The following CLASP2 variants were observed in gnomAD, a reference collection of about 807,000 sequenced individuals.
CLASP2 encodes the protein CLIP-associating protein 2.
In CLASP2, 47 loss-of-function variants were observed where a neutral mutation model predicts 194.4. That is an observed-to-expected ratio of 0.24 (90% CI 0.19 to 0.31). The LOEUF is 0.31. Ranked by LOEUF, CLASP2 falls within the 10% of genes least tolerant of loss-of-function variation. The probability of loss-of-function intolerance (pLI) is 1.00; values close to 1 mark genes in which losing one functional copy is unlikely to be tolerated. For synonymous variants in CLASP2, 619 were observed against 633.5 expected (o/e 0.98, Z 0.34); for missense variants, 1,445 against 1,823.6 (o/e 0.79, Z 3.78).
chr3:33,584,465 G>T (rs1408087000), intron 22 of CLASP2, among the ~76,000 whole-genome samples: 2 of 150,422 alleles, frequency 1.3e-5, no homozygotes, highest in Non-Finnish European at 3.0e-5. Flanking sequence ...TAGAGACGGG[G>T]GTATTGGCCA....
At chr3:33,644,197 A>C (rs1458236027) in intron 8 of CLASP2, among the ~76,000 whole-genome samples, 3 of 152,144 alleles carry the variant, frequency 2.0e-5, no homozygotes, top group Non-Finnish European at 4.4e-5. Flanking sequence ...ATGAATTATA[A>C]AATTGCATGA....
chr3:33,543,471 A>G lies in CLASP2; in HGVS notation c.3366T>C (p.Thr1122=), dbSNP rs763474504. Residue 1122 remains threonine (T), a synonymous_variant, in exon 32 of 39, where the codon ACT becomes ACC. Coordinates refer to ENST00000682230, the MANE Select transcript of CLASP2 (RefSeq NM_001365631.1). ...RSPANWSSPL[T]SPTNTSQNTL... is the part of the protein sequence containing the mutation. Reference sequence around the variant, plus strand: ...TATTCTGTGATGTATTGGTAGGAGAAGTAAGAGGACTGGACCAGTTAGCTG... The same window carrying G: ...TATTCTGTGATGTATTGGTAGGAGAGGTAAGAGGACTGGACCAGTTAGCTG... The G allele has an allele frequency of 1.2e-5, 19 of 1,612,528 alleles. No homozygotes were observed. In the South Asian group the frequency reaches 1.9e-4, roughly 16 times the overall value.
intron 37 of CLASP2, among the ~76,000 whole-genome samples, chr3:33,509,140 C>A (rs182806255): frequency 1.3e-4 from 20 of 152,152 alleles, no homozygotes; most frequent in Non-Finnish European, 2.5e-4. Context: ...TTTTGACATA[C>A]CCAATTCAAA....
intron 22 of CLASP2, 86 bp from the exon 23 acceptor site, chr3:33,582,014 T>A: frequency 2.5e-6 from 2 of 814,512 alleles, no homozygotes; most frequent in Non-Finnish European, 4.0e-6. Flanking sequence ...TTTTCTTTCT[T>A]AAAGACTGAA....
intron 2 of CLASP2, among the ~76,000 whole-genome samples, chr3:33,694,483 T>C (rs2091668916): frequency 6.6e-6 from 1 of 152,148 alleles, no homozygotes; most frequent in Admixed American, 6.6e-5. Context: ...AGGGCAACAG[T>C]CACAAACACA....
At chr3:33,651,889 C>T (rs1051674895) in intron 7 of CLASP2, among the ~76,000 whole-genome samples, 2 of 152,064 alleles carry the variant, frequency 1.3e-5, no homozygotes, top group African/African-American at 4.8e-5. Flanking sequence ...AAACTCCTGA[C>T]CTCAGGTGAT....
At chr3:33,624,061 G>A (rs2077566203) in intron 10 of CLASP2, among the ~76,000 whole-genome samples, 1 of 152,044 alleles carries the variant, frequency 6.6e-6, no homozygotes, top group Non-Finnish European at 1.5e-5. Context: ...TTCAATATTT[G>A]ATTGCCAAAT....
chr3:33,584,511 C>T (rs571524784), intron 22 of CLASP2, among the ~76,000 whole-genome samples: 1 of 151,582 alleles, frequency 6.6e-6, no homozygotes, highest in Non-Finnish European at 1.5e-5. Context: ...AGTGATCCAC[C>T]CCCCTCAGCC....
rs924948457 is a variant in CLASP2, at chr3:33,551,306, T to C, written c.3099A>G (p.Ala1033=). 10 of 1,613,738 alleles carry C rather than the reference T, an allele frequency of 6.2e-6. No homozygotes were observed. The highest frequency in any genetic ancestry group is 7.6e-6 in the Non-Finnish European group (9 of 1,179,842). Residue 1033 remains alanine, a synonymous_variant, in exon 30 of 39, where the codon GCA becomes GCG. Coordinates refer to ENST00000682230, the MANE Select transcript of CLASP2 (RefSeq NM_001365631.1). ...DFINSSETRL[A]VSRVITWTTE... ...TTGTCCAAGTGATGACCCGAGACAC[T>C]GCTAGGCGAGTTTCACTGGAATTTA...
At chr3:33,603,360 G>A (rs1473086474) in intron 17 of CLASP2, among the ~76,000 whole-genome samples, 1 of 152,110 alleles carries the variant, frequency 6.6e-6, no homozygotes, top group African/African-American at 2.4e-5. Flanking sequence ...CATAAAAATG[G>A]GAAAAATGGT....
chr3:33,507,264 A>C (rs1367789871), intron 37 of CLASP2, among the ~76,000 whole-genome samples: 1 of 151,930 alleles, frequency 6.6e-6, no homozygotes, highest in African/African-American at 2.4e-5. Context: ...GAGACTCTTT[A>C]ACAGTTGATA....
At chr3:33,685,088 C>T (rs1024815751) in intron 5 of CLASP2, among the ~76,000 whole-genome samples, 1 of 151,308 alleles carries the variant, frequency 6.6e-6, no homozygotes, top group Non-Finnish European at 1.5e-5. Flanking sequence ...TGCCTGTAAT[C>T]GCAGCATGTT....
chr3:33,534,813 C>T (rs916446011), intron 34 of CLASP2, among the ~76,000 whole-genome samples: 7 of 152,108 alleles, frequency 4.6e-5, no homozygotes, highest in African/African-American at 7.2e-5. Flanking sequence ...CCTTATATTT[C>T]GTCCTTGAAA....
At chr3:33,693,861 T>A (rs931721999) in intron 2 of CLASP2, among the ~76,000 whole-genome samples, 2 of 151,798 alleles carry the variant, frequency 1.3e-5, no homozygotes, top group Non-Finnish European at 2.9e-5. Context: ...AAGGAAAAAC[T>A]ATACATACAT....
intron 37 of CLASP2, chr3:33,504,559 A>T (rs567780005): frequency 6.6e-6 from 1 of 152,342 alleles, no homozygotes; most frequent in Admixed American, 6.5e-5. Context: ...TCCTACTTGC[A>T]TGGAGCCCAA....
At chr3:33,624,707 T>C (rs2077695129) in intron 10 of CLASP2, among the ~76,000 whole-genome samples, 1 of 152,116 alleles carries the variant, frequency 6.6e-6, no homozygotes, top group African/African-American at 2.4e-5. Context: ...GTTATGTGAA[T>C]GTGGGTCTCT....
At chr3:33,526,733 A>G (rs2054665106) in intron 34 of CLASP2, among the ~76,000 whole-genome samples, 1 of 152,252 alleles carries the variant, frequency 6.6e-6, no homozygotes, top group Non-Finnish European at 1.5e-5. Context: ...ATTGGATATA[A>G]AACAATCCTC....
chr3:33,619,472 G>T, intron 12 of CLASP2, 131 bp downstream of exon 12: 2 of 779,194 alleles, frequency 2.6e-6, no homozygotes, highest in Non-Finnish European at 3.9e-6. Flanking sequence ...TGCTTTTGGG[G>T]TTCAAAAAGA....
intron 21 of CLASP2, among the ~76,000 whole-genome samples, chr3:33,585,283 G>A (rs9871632): frequency 0.021 from 3,129 of 152,178 alleles, 113 homozygotes; most frequent in African/African-American, 0.071. Flanking sequence ...CATGTTCTAC[G>A]TGAATAAGCT....
Sources: allele counts gnomAD v4.1 joint callset (sites outside exome capture counted in the v4.1 genomes callset), GRCh38; gene constraint gnomAD v4.1.1; transcripts MANE v1.5; gene names NCBI Gene and HGNC (gene_info 2026-07-23, HGNC 2026-07-21).